Variants in LPP observed in about 807,000 individuals in gnomAD.
The protein encoded by LPP is LIM domain containing preferred translocation partner in lipoma.
A neutral mutation model predicts 60.4 loss-of-function variants in LPP; 38 were observed. The ratio of observed to expected loss-of-function variants is 0.63; its 90% confidence interval spans 0.49 to 0.83. The LOEUF is 0.83. LPP is among the 40% of genes least tolerant of loss of function. LPP has a pLI of 0.00. For missense variants in LPP, 902 were observed against 783.6 expected (o/e 1.15, Z -1.80); for synonymous variants, 328 against 290.8 (o/e 1.13, Z -1.30).
chr3:188,321,594 T>A (rs1045174430), intron 2 of LPP, among the ~76,000 whole-genome samples: 9 of 152,184 alleles, frequency 5.9e-5, no homozygotes, highest in African/African-American at 2.2e-4. Flanking sequence ...TATTATTGCT[T>A]GGACTGGAGA....
At chr3:188,167,479 C>T (rs1183548880) in intron 1 of LPP, among the ~76,000 whole-genome samples, 1 of 149,800 alleles carries the variant, frequency 6.7e-6, no homozygotes, top group Non-Finnish European at 1.5e-5. Flanking sequence ...CTAGCCTGGG[C>T]AACGGAGCAA....
intron 4 of LPP, among the ~76,000 whole-genome samples, chr3:188,438,354 T>TTC (rs374408127): frequency 0.28 from 38,656 of 137,838 alleles, 6,680 homozygotes; most frequent in Middle Eastern, 0.42. Context: ...TTCCATGCAT[T>TTC]ACACACACAC....
chr3:188,834,324 GT>G (rs71867135), intron 9 of LPP, among the ~76,000 whole-genome samples: 2,665 of 34,198 alleles, frequency 0.078, 27 homozygotes, highest in African/African-American at 0.11. Flanking sequence ...CTTTTTGGGT[GT>G]TTTTTTTTTT....
At chr3:188,424,138 T>C (rs1788648769) in intron 4 of LPP, among the ~76,000 whole-genome samples, 2 of 152,144 alleles carry the variant, frequency 1.3e-5, no homozygotes, top group African/African-American at 4.8e-5. Context: ...TTGTATAAGG[T>C]GTAAGGAAGG....
chr3:188,709,423 C>G lies in LPP; in HGVS notation c.1240+1030C>G, dbSNP rs2149709505. ...CCAGGCTAGAGTATACTGGCGTGAT[C>G]TTGGCTCACTGCAACCTCCACCTCC... On this transcript the variant is annotated intron_variant, in intron 8 of 11. Transcript: ENST00000617246. 2 of 152,288 alleles carry G rather than the reference C, an allele frequency of 1.3e-5. 1 individual carries two copies. The highest frequency in any genetic ancestry group is 4.1e-4 in the South Asian group (2 of 4,832). 9.4% of individuals were successfully genotyped at this position (152,288 alleles called of 1,614,324 possible). A position where few individuals can be genotyped will look rare whatever the true frequency, so the allele number is the denominator to read the frequency against.
chr3:188,622,660 G>C (rs559802584), intron 7 of LPP, among the ~76,000 whole-genome samples: 10 of 152,092 alleles, frequency 6.6e-5, no homozygotes, highest in Admixed American at 5.2e-4. Flanking sequence ...CCTCAAAATC[G>C]ATATGTATTA....
chr3:188,792,347 A>G (rs1160533442), intron 9 of LPP, among the ~76,000 whole-genome samples: 1 of 152,190 alleles, frequency 6.6e-6, no homozygotes, highest in African/African-American at 2.4e-5. Context: ...GAGCAGCTCC[A>G]TACTCACCTC....
intron 8 of LPP, chr3:188,709,930 T>G (rs930367655): frequency 3.9e-5 from 6 of 152,210 alleles, no homozygotes; most frequent in African/African-American, 1.4e-4. Flanking sequence ...TTTATACTAG[T>G]TTCTAAATAT....
At chr3:188,335,000 G>A (rs1316698373) in intron 2 of LPP, among the ~76,000 whole-genome samples, 1 of 152,178 alleles carries the variant, frequency 6.6e-6, no homozygotes, top group African/African-American at 2.4e-5. Context: ...TCAGTTGGCT[G>A]TAAATACGTG....
At chr3:188,233,198 C>T (rs901758746) in intron 2 of LPP, among the ~76,000 whole-genome samples, 28 of 152,268 alleles carry the variant, frequency 1.8e-4, no homozygotes, top group African/African-American at 6.3e-4. Flanking sequence ...ATAATGTGCT[C>T]ATGTTTTCTG....
intron 8 of LPP, among the ~76,000 whole-genome samples, chr3:188,750,609 G>A (rs1727759202): frequency 6.6e-6 from 1 of 151,998 alleles, no homozygotes; most frequent in African/African-American, 2.4e-5. Context: ...CTCCAACCTG[G>A]GCAACCGAGT....
intron 3 of LPP, among the ~76,000 whole-genome samples, chr3:188,380,850 A>G (rs1027119565): frequency 6.6e-6 from 1 of 152,232 alleles, no homozygotes; most frequent in African/African-American, 2.4e-5. Context: ...TATGCCTTGT[A>G]GAAGACTTGT....
chr3:188,464,864 A>T (rs940471387), intron 4 of LPP, among the ~76,000 whole-genome samples: 1 of 151,796 alleles, frequency 6.6e-6, no homozygotes, highest in Non-Finnish European at 1.5e-5. Flanking sequence ...TTGGTTTGGG[A>T]TGAATCTCCA....
In LPP at chr3:188,884,893, A is replaced by T. The variant is rs1185422140; in HGVS notation, c.*10414A>T. On this transcript the variant is annotated 3_prime_UTR_variant, in exon 12 of 12. Coordinates refer to ENST00000617246, the MANE Select transcript of LPP (RefSeq NM_001375462.1). Reference sequence around the variant, plus strand: ...CAATGTCTGAAAACAAATGTTATGGAACTGTTGGCATTTCTGAGATTTGGC... The same window carrying T: ...CAATGTCTGAAAACAAATGTTATGGTACTGTTGGCATTTCTGAGATTTGGC... 4.5e-6 allele frequency: 1 copy of T among 224,078 alleles called. No homozygotes were observed. The highest frequency in any genetic ancestry group is 2.2e-5 in the African/African-American group (1 of 44,786). The allele number at this position is 224,078 out of a possible 1,614,324, so 13.9% of individuals were successfully genotyped here.
chr3:188,555,842 G>A lies in LPP; in HGVS notation c.429+31055G>A, dbSNP rs114718155. ...AGGGCAGGCTCTTGACTTGATATAGGTGTAGGTGTCAGCAGATATACATTT... is the reference window on the plus strand; with the variant it reads ...AGGGCAGGCTCTTGACTTGATATAGATGTAGGTGTCAGCAGATATACATTT... On this transcript the variant is annotated intron_variant, in intron 6 of 11. Coordinates refer to ENST00000617246, the MANE Select transcript of LPP (RefSeq NM_001375462.1). Among the ~76,000 whole-genome samples, 259 of 152,190 alleles carry A rather than the reference G, an allele frequency of 1.7e-3. 1 individual carries two copies. The highest frequency in any genetic ancestry group is 6.0e-3 in the African/African-American group (250 of 41,536).
chr3:188,806,706 A>C (rs1017623429), intron 9 of LPP, among the ~76,000 whole-genome samples: 12 of 151,878 alleles, frequency 7.9e-5, no homozygotes, highest in African/African-American at 2.9e-4. Context: ...TTTTAATGTT[A>C]GTATTACCCT....
intron 2 of LPP, among the ~76,000 whole-genome samples, chr3:188,333,377 C>T (rs899242640): frequency 2.6e-5 from 4 of 152,148 alleles, no homozygotes; most frequent in Non-Finnish European, 5.9e-5. Context: ...GAAAGAGTTC[C>T]TTTACTACTC....
intron 5 of LPP, among the ~76,000 whole-genome samples, chr3:188,512,629 G>T (rs150366093): frequency 2.0e-5 from 3 of 151,716 alleles, no homozygotes; most frequent in African/African-American, 7.3e-5. Context: ...ATGGCATGAC[G>T]CTTTGCTTTA....
At chr3:188,188,851 C>T (rs576937545) in intron 1 of LPP, among the ~76,000 whole-genome samples, 3 of 152,266 alleles carry the variant, frequency 2.0e-5, no homozygotes, top group African/African-American at 4.8e-5. Context: ...ATGAAATCTG[C>T]ATCACATAAT....
Sources: gnomAD v4.1 joint callset for allele counts (sites outside exome capture counted in the v4.1 genomes callset) on GRCh38, gnomAD v4.1.1 for gene constraint, MANE v1.5 for transcripts, NCBI Gene and HGNC (gene_info 2026-07-23, HGNC 2026-07-21) for gene names.